CES5A: variants seen among roughly 807,000 people sequenced by gnomAD.
CES5A encodes the protein carboxylesterase 5.
A neutral mutation model predicts 62.9 loss-of-function variants in CES5A; 67 were observed. That is an observed-to-expected ratio of 1.07 (90% CI 0.88 to 1.31). The LOEUF (loss-of-function observed/expected upper bound fraction) is 1.31, where lower values mean the gene tolerates loss of function less well. Among genes scored for constraint, CES5A ranks in the 50% most tolerant of loss-of-function variants. The pLI, the probability that CES5A is intolerant of heterozygous loss-of-function variation, is 0.00. For missense variants in CES5A, 748 were observed against 708.5 expected (o/e 1.06, Z -0.63); for synonymous variants, 296 against 280.8 (o/e 1.05, Z -0.54).
At chr16:55,869,434 G>T in intron 4 of CES5A, 177 bp downstream of exon 4, 1 of 1,202,208 alleles carries the variant, frequency 8.3e-7, no homozygotes. Context: ...ATTGTTTCAA[G>T]CCACCAACAT....
chr16:55,876,471 C>CT (rs1158431384), upstream of CES5A, among the ~76,000 whole-genome samples: 1 of 152,180 alleles, frequency 6.6e-6, no homozygotes, highest in Non-Finnish European at 1.5e-5. Flanking sequence ...AAAATCCGGC[C>CT]TTTCTGTACA....
chr16:55,944,143 C>T (rs1341647796), intron 2 of CES5A: 3 of 701,606 alleles, frequency 4.3e-6, no homozygotes, highest in Non-Finnish European at 7.8e-6. Context: ...CTCTGTATTA[C>T]TTATGGGCTA....
chr16:55,954,412 G>T (rs987018187), intron 1 of CES5A, among the ~76,000 whole-genome samples: 15 of 152,188 alleles, frequency 9.9e-5, no homozygotes, highest in African/African-American at 3.6e-4. Context: ...CTCATAGTCG[G>T]TCCTGACCGA....
chr16:55,933,581 A>G (rs541245904), intron 2 of CES5A, among the ~76,000 whole-genome samples: 4 of 152,242 alleles, frequency 2.6e-5, no homozygotes, highest in Admixed American at 1.3e-4. Context: ...AAAGCCTTAG[A>G]GTCTTACCTG....
rs750154282 is a variant in CES5A, at chr16:55,846,518, T to TC, written c.1660_1661insG (p.His554ArgfsTer38). Reference sequence around the variant, plus strand: ...GAAAGTTAAGGAAGAAAGAGGACTGTGGAGCATGTCGGAGGCAGACAGGAT... The same window carrying TC: ...GAAAGTTAAGGAAGAAAGAGGACTGTCGGAGCATGTCGGAGGCAGACAGGAT... On this transcript the variant is annotated frameshift_variant, in exon 13 of 13. Coordinates refer to ENST00000290567, the MANE Select transcript of CES5A (RefSeq NM_001143685.2). LOFTEE classifies it low-confidence loss of function (END_TRUNC). 2.4e-5 allele frequency: 39 copies of TC among 1,614,044 alleles called. No homozygotes were observed. The highest frequency in any genetic ancestry group is 3.1e-5 in the Non-Finnish European group (37 of 1,180,030).
intron 6 of CES5A, 150 bp from the exon 7 acceptor site, chr16:55,861,666 T>A: frequency 1.5e-6 from 1 of 667,840 alleles, no homozygotes; most frequent in South Asian, 1.7e-5. Context: ...CCCCTATAAT[T>A]GAAGGTGCAC....
At chr16:55,894,691 A>T (rs1426709612) in intron 1 of CES5A, among the ~76,000 whole-genome samples, 1 of 152,188 alleles carries the variant, frequency 6.6e-6, no homozygotes, top group Admixed American at 6.5e-5. Flanking sequence ...AATCTTTACA[A>T]TAATCAAACA....
At position 55,892,724 on chromosome 16, in the gene CES5A, CA is replaced by C. The variant is rs200542015; in HGVS notation, c.-255-18688del. Among the ~76,000 whole-genome samples, 84 of 147,546 alleles carry C rather than the reference CA, an allele frequency of 5.7e-4. No individual in the cohort carries two copies. The South Asian group carries it at 0.013, about 23-fold the overall frequency. Reference sequence around the variant, plus strand: ...CACACTCTAACAACAACAACAACAACAAAAAAAAATAGTGGATAGACTTCTA... The same window carrying C: ...CACACTCTAACAACAACAACAACAACAAAAAAAATAGTGGATAGACTTCTA... On this transcript the variant is annotated intron_variant, in intron 1 of 12. Transcript: ENST00000518005.
intron 1 of CES5A, among the ~76,000 whole-genome samples, chr16:55,885,435 A>G (rs1262449643): frequency 6.6e-6 from 1 of 152,156 alleles, no homozygotes; most frequent in African/African-American, 2.4e-5. Flanking sequence ...TTATTAGGGG[A>G]GATGCCTATG....
rs902541085 is a variant in CES5A at position 55,942,865 on chromosome 16, A to C, written c.160+6920T>G. 3.3e-5 allele frequency among the ~76,000 whole-genome samples: 5 copies of C among 152,228 alleles called. No homozygotes were observed. The East Asian group carries it at 9.6e-4, about 29-fold the overall frequency. On this transcript the variant is annotated intron_variant, in intron 2 of 13. Coordinates refer to the CES5A transcript ENST00000521992. ...AGCAGTAAAGGAAAAAACAACCTGG[A>C]TGAATCTCAAAAACATTACAGTGGA...
intron 5 of CES5A, among the ~76,000 whole-genome samples, chr16:55,865,612 A>G (rs879534411): frequency 2.0e-5 from 3 of 152,236 alleles, no homozygotes; most frequent in Non-Finnish European, 2.9e-5. Flanking sequence ...AAATATTTAC[A>G]TGTATCTTTT....
At chr16:55,871,855 C>G (rs762845235) in intron 2 of CES5A, 92 bp from the exon 3 acceptor site, 1 of 1,377,330 alleles carries the variant, frequency 7.3e-7, no homozygotes, top group Non-Finnish European at 1.0e-6. Flanking sequence ...GAGGCCTGGC[C>G]GTCTCCTCTG....
At chr16:55,906,001 A>G (rs975730729) in intron 1 of CES5A, among the ~76,000 whole-genome samples, 2 of 152,156 alleles carry the variant, frequency 1.3e-5, no homozygotes, top group East Asian at 1.9e-4. Context: ...TAAGAACAAT[A>G]AGACTCAGAG....
intron 1 of CES5A, among the ~76,000 whole-genome samples, chr16:55,888,550 T>C (rs1194740568): frequency 4.6e-5 from 7 of 152,208 alleles, no homozygotes; most frequent in Admixed American, 4.6e-4. Flanking sequence ...TCCACTACCC[T>C]GTCTCATGTT....
chr16:55,860,856 CAAAGACTGTCATCA>C (rs1186997997), intron 7 of CES5A, among the ~76,000 whole-genome samples: 1 of 152,150 alleles, frequency 6.6e-6, no homozygotes. Flanking sequence ...CTTGTCCATT[CAAAGACTGTCATCA>C]AAGGCTCTCA....
intron 9 of CES5A, among the ~76,000 whole-genome samples, chr16:55,853,328 C>T (rs1233324530): frequency 2.0e-5 from 3 of 152,240 alleles, no homozygotes; most frequent in Non-Finnish European, 4.4e-5. Context: ...GAATGAGTCA[C>T]TTCTGGGCAG....
At chr16:55,867,291 T>A (rs1219391375) in intron 4 of CES5A, among the ~76,000 whole-genome samples, 1 of 152,162 alleles carries the variant, frequency 6.6e-6, no homozygotes, top group East Asian at 1.9e-4. Context: ...GCCCAAGAGC[T>A]AGAAAGCTGC....
intron 9 of CES5A, among the ~76,000 whole-genome samples, chr16:55,854,690 C>A (rs1310697789): frequency 6.6e-6 from 1 of 150,942 alleles, no homozygotes; most frequent in Non-Finnish European, 1.5e-5. Flanking sequence ...CACCACCAGG[C>A]CTGGCTAATT....
chr16:55,946,351 C>G (rs1239245471), intron 2 of CES5A, among the ~76,000 whole-genome samples: 2 of 152,012 alleles, frequency 1.3e-5, no homozygotes, highest in Non-Finnish European at 2.9e-5. Context: ...TGGTGGGGAG[C>G]CTTGTGAAAA....
Sources: allele counts gnomAD v4.1 joint callset (sites outside exome capture counted in the v4.1 genomes callset), GRCh38; gene constraint gnomAD v4.1.1; transcripts MANE v1.5; gene names NCBI Gene and HGNC (gene_info 2026-07-23, HGNC 2026-07-21).